Variants in TRMT10B observed in about 807,000 individuals in gnomAD.
The protein encoded by TRMT10B is tRNA methyltransferase 10 homolog B.
A neutral mutation model predicts 43.8 loss-of-function variants in TRMT10B; 33 were observed. That is an observed-to-expected ratio of 0.75 (90% CI 0.57 to 1.01). TRMT10B has a LOEUF of 1.01. Ranked by LOEUF, TRMT10B falls within the 50% of genes least tolerant of loss-of-function variation. The pLI is 0.00. For synonymous variants in TRMT10B, 137 were observed against 130.6 expected (o/e 1.05, Z -0.34); for missense variants, 362 against 369.8 (o/e 0.98, Z 0.17).
At chr9:37,753,061 G>A (rs7861041), upstream of TRMT10B, among the ~76,000 whole-genome samples, 27,303 of 151,510 alleles carry the variant, frequency 0.18, 2,534 homozygotes, top group South Asian at 0.23. Flanking sequence ...GTGTGACCAC[G>A]AACCCACCGA....
chr9:37,766,378 T>C (rs367890375), intron 4 of TRMT10B, among the ~76,000 whole-genome samples: 2 of 152,164 alleles, frequency 1.3e-5, no homozygotes, highest in Non-Finnish European at 1.5e-5. Flanking sequence ...TGTCAAAGAT[T>C]AGATAGTTGT....
At chr9:37,753,031 G>A (rs1825101421), upstream of TRMT10B, among the ~76,000 whole-genome samples, 1 of 152,022 alleles carries the variant, frequency 6.6e-6, no homozygotes, top group Non-Finnish European at 1.5e-5. Context: ...ATCTGTATTT[G>A]CAGCTCTTTC....
At chr9:37,776,122 A>C (rs1221597706) in intron 7 of TRMT10B, among the ~76,000 whole-genome samples, 160 bp from the exon 8 acceptor site, 1 of 152,108 alleles carries the variant, frequency 6.6e-6, no homozygotes, top group Non-Finnish European at 1.5e-5. Context: ...GTGACCCCCC[A>C]AAAAGTAAGA....
chr9:37,768,077 A>C lies in TRMT10B; in HGVS notation c.422A>C (p.Glu141Ala), dbSNP rs750097899. The C allele has an allele frequency of 3.7e-6, 6 of 1,613,754 alleles. No homozygotes were observed. In the Admixed American group the frequency reaches 1.0e-4, roughly 27 times the overall value. The change falls in exon 5 of 9, where the codon GAA becomes GCA. Residue 141 changes from glutamate to alanine, a missense_variant and splice_region_variant. Coordinates refer to ENST00000297994, the MANE Select transcript of TRMT10B (RefSeq NM_144964.4). ...LSMTHYMSKK[E>A]LSRLAGQIRR... ...TGAGTTGTTCTTATTTCTTTGAAGG[A>C]ATTAAGTAGACTGGCTGGACAGATT... is the stretch of plus-strand genomic sequence containing the variant.
At chr9:37,769,540 T>C (rs1332527629) in intron 5 of TRMT10B, 1 of 180,830 alleles carries the variant, frequency 5.5e-6, no homozygotes, top group Non-Finnish European at 1.2e-5. Flanking sequence ...CTGTCACATG[T>C]GCAGTTCCTT....
upstream of TRMT10B, among the ~76,000 whole-genome samples, chr9:37,753,361 C>T (rs567499239): frequency 2.0e-5 from 3 of 152,308 alleles, no homozygotes; most frequent in East Asian, 1.9e-4. Flanking sequence ...CTAAACTCCG[C>T]AAGGGATGGG....
In TRMT10B at chr9:37,778,628, A is replaced by G. The variant is rs1450291230; in HGVS notation, c.*921A>G. The G allele has an allele frequency of 6.6e-6, 1 of 152,250 alleles. No homozygotes were observed. Among genetic ancestry groups the G allele is most frequent in the Non-Finnish European group, 1.5e-5 (1 of 68,048 alleles). The allele number at this position is 152,250 out of a possible 1,614,324, so 9.4% of individuals were successfully genotyped here. ...CTCTTGAAATTGTTTAAATGGTTAC[A>G]TCAAGAGTTTAATATTCACTAAACT... On this transcript the variant is annotated 3_prime_UTR_variant, in exon 9 of 9. Transcript: ENST00000297994.
At chr9:37,755,890 A>G (rs1247331997) in intron 1 of TRMT10B, among the ~76,000 whole-genome samples, 1 of 147,664 alleles carries the variant, frequency 6.8e-6, no homozygotes, top group Non-Finnish European at 1.5e-5. Flanking sequence ...GTGTTTAGGT[A>G]AATGTAGGTA....
chr9:37,764,315 AT>A (rs753115932), intron 4 of TRMT10B, among the ~76,000 whole-genome samples: 11,952 of 110,510 alleles, frequency 0.11, 362 homozygotes, highest in Non-Finnish European at 0.14. Context: ...CGCCTGACAA[AT>A]TTTTTTTTTT....
At chr9:37,756,966 C>T (rs1300610663) in intron 1 of TRMT10B, among the ~76,000 whole-genome samples, 9 of 149,556 alleles carry the variant, frequency 6.0e-5, no homozygotes, top group Admixed American at 6.0e-4. Context: ...GCCAGGAGTT[C>T]GATACTGGCC....
At chr9:37,773,956 T>TAAAAAA (rs544100530) in intron 7 of TRMT10B, among the ~76,000 whole-genome samples, 20 of 127,702 alleles carry the variant, frequency 1.6e-4, no homozygotes, top group African/African-American at 3.0e-5. Context: ...ACCCTGTCTC[T>TAAAAAA]AAAAAAAAAA....
intron 4 of TRMT10B, chr9:37,767,171 T>C (rs934955093): frequency 2.6e-5 from 4 of 152,114 alleles, no homozygotes; most frequent in African/African-American, 7.2e-5. Flanking sequence ...AGATCTGAGG[T>C]TCCTACCTGA....
chr9:37,774,201 C>T (rs10973535), intron 7 of TRMT10B, among the ~76,000 whole-genome samples: 3,385 of 152,090 alleles, frequency 0.022, 121 homozygotes, highest in African/African-American at 0.077. Flanking sequence ...GGGGTTTCAC[C>T]GTATGGCCCA....
At chr9:37,763,334 T>C (rs917522850) in intron 3 of TRMT10B, among the ~76,000 whole-genome samples, 5 of 152,152 alleles carry the variant, frequency 3.3e-5, no homozygotes, top group Non-Finnish European at 7.3e-5. Flanking sequence ...GGAGCTGTTA[T>C]TATCATTCCC....
chr9:37,753,452 T>C (rs1001470282), upstream of TRMT10B, among the ~76,000 whole-genome samples: 4 of 152,228 alleles, frequency 2.6e-5, no homozygotes, highest in South Asian at 8.3e-4. Context: ...AAGGTTTCCT[T>C]CGGCAGAGAG....
rs544966442 is a variant in TRMT10B, at chr9:37,759,003, C to T, written c.-29-2900C>T. On this transcript the variant is annotated intron_variant, in intron 1 of 8. Transcript: ENST00000297994. Reference sequence around the variant, plus strand: ...AGCCCCAGAAATCTGTGTACGGGTCCCCAGATGGTGGTGCTGTGGAACATT... The same window carrying T: ...AGCCCCAGAAATCTGTGTACGGGTCTCCAGATGGTGGTGCTGTGGAACATT... Among the ~76,000 whole-genome samples the T allele has an allele frequency of 1.3e-4, 20 of 152,182 alleles. No homozygotes were observed. In the East Asian group the frequency reaches 3.3e-3, roughly 25 times the overall value.
At chr9:37,768,295 T>C (rs959627073) in intron 5 of TRMT10B, 67 bp downstream of exon 5, 1 of 1,486,542 alleles carries the variant, frequency 6.7e-7, no homozygotes, top group Admixed American at 2.2e-5. Flanking sequence ...TAGTATTTTT[T>C]TTTTACTTTT....
At chr9:37,754,398 C>T (rs1321194827) in intron 1 of TRMT10B, among the ~76,000 whole-genome samples, 1 of 152,112 alleles carries the variant, frequency 6.6e-6, no homozygotes, top group African/African-American at 2.4e-5. Context: ...TGAGGAACAG[C>T]AAATAGACCC....
chr9:37,770,193 G>A (rs1239809626), intron 6 of TRMT10B, among the ~76,000 whole-genome samples, 174 bp downstream of exon 6: 2 of 152,190 alleles, frequency 1.3e-5, no homozygotes, highest in African/African-American at 4.8e-5. Flanking sequence ...ATGCTTCGAT[G>A]TGTCTTACCA....
Sources: gnomAD v4.1 joint callset for allele counts (sites outside exome capture counted in the v4.1 genomes callset) on GRCh38, gnomAD v4.1.1 for gene constraint, MANE v1.5 for transcripts, NCBI Gene and HGNC (gene_info 2026-07-23, HGNC 2026-07-21) for gene names.